The following OCIAD1 variants were observed in gnomAD, a reference collection of about 807,000 sequenced individuals.
OCIAD1 encodes OCIA domain containing 1.
OCIAD1 carries 29 observed loss-of-function variants against 38.9 expected under a neutral mutation model. The ratio of observed to expected loss-of-function variants is 0.74; its 90% CI spans 0.55 to 1.02. The LOEUF (loss-of-function observed/expected upper bound fraction) is 1.02. Among genes scored for constraint, OCIAD1 ranks in the 50% least tolerant of loss-of-function variants. The probability of loss-of-function intolerance (pLI) is 0.00; values close to 1 mark genes in which losing one functional copy is unlikely to be tolerated. For missense variants in OCIAD1, 288 were observed against 289.6 expected (o/e 0.99, Z 0.04); for synonymous variants, 110 against 92.0 (o/e 1.20, Z -1.12).
At chr4:48,857,401 G>T in intron 8 of OCIAD1, 36 bp downstream of exon 8, 2 of 1,387,460 alleles carry the variant, frequency 1.4e-6, no homozygotes, top group South Asian at 1.7e-5. Flanking sequence ...TTACTGTTGA[G>T]GATTGGAAAC....
At chr4:48,808,020 A>G (rs1179876065) in intron 1 of OCIAD1, among the ~76,000 whole-genome samples, 1 of 152,228 alleles carries the variant, frequency 6.6e-6, no homozygotes, top group Non-Finnish European at 1.5e-5. Context: ...TACTATTTTT[A>G]TAAACAAGGG....
intron 1 of OCIAD1, among the ~76,000 whole-genome samples, chr4:48,817,306 T>C (rs1222563924): frequency 6.6e-6 from 1 of 152,144 alleles, no homozygotes; most frequent in Non-Finnish European, 1.5e-5. Context: ...ACCGGGGCCC[T>C]GGGTTTCAAG....
At chr4:48,839,129 A>G (rs974193187) in intron 3 of OCIAD1, among the ~76,000 whole-genome samples, 5 of 152,220 alleles carry the variant, frequency 3.3e-5, no homozygotes, top group African/African-American at 1.2e-4. Flanking sequence ...TTCAAATGAT[A>G]CAGTATAAGA....
chr4:48,822,856 G>C (rs749892243), intron 1 of OCIAD1, among the ~76,000 whole-genome samples: 8 of 152,214 alleles, frequency 5.3e-5, no homozygotes, highest in Non-Finnish European at 1.2e-4. Context: ...TCTTACACCA[G>C]TCAGAATGGT....
chr4:48,851,955 T>G lies in OCIAD1; in HGVS notation c.527T>G (p.Ile176Ser). The change falls in exon 7 of 9, where the codon ATT (isoleucine) becomes AGT (serine). Residue 176 changes from isoleucine to serine, a missense_variant. Coordinates refer to ENST00000264312, the MANE Select transcript of OCIAD1 (RefSeq NM_017830.4). ...SSMNESAPTG[I>S]TDHIVQGPDP... is the part of the protein sequence containing the mutation. ...ATGAATGAATCTGCTCCCACTGGTATTACTGATCATATTGTCCAAGGTAGA... is the reference window on the plus strand; with the variant it reads ...ATGAATGAATCTGCTCCCACTGGTAGTACTGATCATATTGTCCAAGGTAGA... 6.2e-7 allele frequency: 1 copy of G among 1,607,964 alleles called. No homozygotes were observed. The highest frequency in any genetic ancestry group is 2.2e-5 in the East Asian group (1 of 44,706).
At chr4:48,840,121 C>A (rs575302598) in intron 3 of OCIAD1, among the ~76,000 whole-genome samples, 2 of 152,168 alleles carry the variant, frequency 1.3e-5, no homozygotes, top group African/African-American at 4.8e-5. Flanking sequence ...TCCATTATTC[C>A]TTTATAGCAT....
chr4:48,818,056 A>C (rs188882607), intron 1 of OCIAD1, among the ~76,000 whole-genome samples: 7 of 152,322 alleles, frequency 4.6e-5, no homozygotes, highest in Admixed American at 2.6e-4. Context: ...CTCCCAGCGC[A>C]GTGCACCAGC....
intron 1 of OCIAD1, among the ~76,000 whole-genome samples, 161 bp from the exon 2 acceptor site, chr4:48,832,459 G>A (rs1777592665): frequency 6.6e-6 from 1 of 152,132 alleles, no homozygotes; most frequent in African/African-American, 2.4e-5. Flanking sequence ...TTTTCATCTA[G>A]CTATTTACAT....
chr4:48,860,622 A>C (rs751146879), intron 8 of OCIAD1, 103 bp from the exon 9 acceptor site: 10 of 918,422 alleles, frequency 1.1e-5, no homozygotes, highest in Non-Finnish European at 1.8e-5. Flanking sequence ...GCTTTTATTC[A>C]AATGAGAGAG....
chr4:48,832,365 TAA>T (rs1009816454), intron 1 of OCIAD1, among the ~76,000 whole-genome samples: 2 of 152,196 alleles, frequency 1.3e-5, no homozygotes, highest in African/African-American at 4.8e-5. Context: ...AAAAAAATTA[TAA>T]ACTTATAAAA....
chr4:48,844,859 T>C (rs142434778), intron 4 of OCIAD1, among the ~76,000 whole-genome samples: 4 of 152,342 alleles, frequency 2.6e-5, no homozygotes, highest in South Asian at 2.1e-4. Flanking sequence ...AGATTACTTA[T>C]AATACCTAAG....
intron 1 of OCIAD1, among the ~76,000 whole-genome samples, chr4:48,825,306 G>A (rs532122803): frequency 6.6e-6 from 1 of 152,138 alleles, no homozygotes; most frequent in South Asian, 2.1e-4. Flanking sequence ...ATGCATCCAG[G>A]GTATCTAGGG....
At chr4:48,852,882 G>GTTTTTTTTTTTTTTTTTTTTTTTT (rs1439653723) in intron 7 of OCIAD1, among the ~76,000 whole-genome samples, 2 of 126,336 alleles carry the variant, frequency 1.6e-5, no homozygotes, top group African/African-American at 6.3e-5. Context: ...TTTGTTTTTT[G>GTTTTTTTTTTTTTTTTTTTTTTTT]TTTTTTTTTT....
chr4:48,806,757 C>T (rs772545022), intron 1 of OCIAD1, among the ~76,000 whole-genome samples: 6 of 152,060 alleles, frequency 3.9e-5, no homozygotes, highest in Non-Finnish European at 5.9e-5. Flanking sequence ...AGGTGCGTGC[C>T]ACCATGCCCA....
chr4:48,818,391 G>C (rs1777161747), intron 1 of OCIAD1, among the ~76,000 whole-genome samples: 1 of 152,004 alleles, frequency 6.6e-6, no homozygotes, highest in Non-Finnish European at 1.5e-5. Context: ...CAGCATAAAG[G>C]ACCCCCACGT....
chr4:48,810,540 C>T (rs1287053257), intron 1 of OCIAD1, among the ~76,000 whole-genome samples: 2 of 150,806 alleles, frequency 1.3e-5, no homozygotes, highest in Admixed American at 6.6e-5. Flanking sequence ...ACTTCGTGGG[C>T]TCAAGGGATT....
intron 5 of OCIAD1, among the ~76,000 whole-genome samples, chr4:48,849,532 C>T (rs1465615393): frequency 6.6e-6 from 1 of 152,060 alleles, no homozygotes; most frequent in Admixed American, 6.6e-5. Flanking sequence ...ATATGATATT[C>T]TGTTTTATAG....
intron 1 of OCIAD1, among the ~76,000 whole-genome samples, chr4:48,817,599 G>A (rs1403037143): frequency 6.6e-6 from 1 of 152,232 alleles, no homozygotes; most frequent in African/African-American, 2.4e-5. Flanking sequence ...CCCTGGAAAG[G>A]GGGCTGAAGC....
chr4:48,810,348 A>G (rs1469548614), intron 1 of OCIAD1, among the ~76,000 whole-genome samples: 1 of 151,552 alleles, frequency 6.6e-6, no homozygotes, highest in East Asian at 1.9e-4. Flanking sequence ...GGGTGCCTGT[A>G]GTCCCAGCTA....
Sources: allele counts gnomAD v4.1 joint callset (sites outside exome capture counted in the v4.1 genomes callset), GRCh38; gene constraint gnomAD v4.1.1; transcripts MANE v1.5; gene names NCBI Gene and HGNC (gene_info 2026-07-23, HGNC 2026-07-21).